Variants in FNDC3A observed in about 807,000 individuals in gnomAD.
FNDC3A encodes fibronectin type III domain containing 3A.
A neutral mutation model predicts 148.9 loss-of-function variants in FNDC3A; 32 were observed. The observed-to-expected ratio is 0.21, with a 90% CI of 0.16 to 0.29. The LOEUF (loss-of-function observed/expected upper bound fraction) is 0.29, where lower values mean the gene tolerates loss of function less well. Ranked by LOEUF, FNDC3A falls within the 10% of genes least tolerant of loss-of-function variation. FNDC3A has a pLI of 1.00. For synonymous variants in FNDC3A, 472 were observed against 473.6 expected, an observed-to-expected ratio of 1.00 and a Z score of 0.04; for missense variants, 1,191 against 1,452.8, an observed-to-expected ratio of 0.82 and a Z score of 2.93.
chr13:49,090,400 C>T (rs1015488048), intron 3 of FNDC3A, among the ~76,000 whole-genome samples: 1 of 152,092 alleles, frequency 6.6e-6, no homozygotes, highest in Non-Finnish European at 1.5e-5. Context: ...GGTGACAGAG[C>T]GAGACTCCGT....
At chr13:49,056,685 G>A (rs1366928051) in intron 2 of FNDC3A, among the ~76,000 whole-genome samples, 1 of 152,054 alleles carries the variant, frequency 6.6e-6, no homozygotes, top group Non-Finnish European at 1.5e-5. Flanking sequence ...GATTCAATAT[G>A]CTGTTTAACT....
intron 8 of FNDC3A, among the ~76,000 whole-genome samples, chr13:49,164,269 G>A (rs894738686): frequency 8.5e-5 from 13 of 152,150 alleles, no homozygotes; most frequent in African/African-American, 2.4e-4. Context: ...TCTGATAAGA[G>A]TTCTCTTACA....
At chr13:49,181,209 A>T (rs1019224194) in intron 14 of FNDC3A, among the ~76,000 whole-genome samples, 1 of 152,272 alleles carries the variant, frequency 6.6e-6, no homozygotes, top group African/African-American at 2.4e-5. Flanking sequence ...ATTCTCCCAG[A>T]TAATGAGGTT....
chr13:49,097,079 G>A (rs2181539), intron 3 of FNDC3A, among the ~76,000 whole-genome samples: 100,350 of 151,724 alleles, frequency 0.66, 33,347 homozygotes, highest in Admixed American at 0.69. Flanking sequence ...TGCAAGTACC[G>A]TTATATGCCA....
chr13:48,982,020 G>A (rs1011680765), intron 1 of FNDC3A, among the ~76,000 whole-genome samples: 2 of 152,130 alleles, frequency 1.3e-5, no homozygotes, highest in Admixed American at 1.3e-4. Flanking sequence ...TACTTCTCTA[G>A]GGGTTCTAAA....
chr13:49,002,080 C>T (rs781119390), intron 1 of FNDC3A, among the ~76,000 whole-genome samples: 17 of 152,234 alleles, frequency 1.1e-4, no homozygotes, highest in Admixed American at 4.6e-4. Context: ...TTTCTCAGAC[C>T]GGCTGACACT....
At chr13:49,192,199 C>T (rs1401710055) in intron 19 of FNDC3A, among the ~76,000 whole-genome samples, 1 of 152,148 alleles carries the variant, frequency 6.6e-6, no homozygotes, top group Non-Finnish European at 1.5e-5. Flanking sequence ...ACTGACAGTT[C>T]TCTCCTACCC....
At chr13:49,206,338 C>CTTAAT (rs67821342) in intron 25 of FNDC3A, among the ~76,000 whole-genome samples, 1 of 17,066 alleles carries the variant, frequency 5.9e-5, no homozygotes, top group Admixed American at 6.5e-4. Context: ...TATATAGCTT[C>CTTAAT]TTATTTATGC....
At position 49,093,267 on chromosome 13, in the gene FNDC3A, T is replaced by TTAC. The variant is rs769506208; in HGVS notation, c.175+17905_175+17907dup. On this transcript the variant is annotated intron_variant, in intron 3 of 25. Coordinates refer to ENST00000492622, the MANE Select transcript of FNDC3A (RefSeq NM_001079673.2). Reference sequence around the variant, plus strand: ...ATACAGAAATTCAGTAAATGTTTATTTACTTATTTTAGGCATATAACAATA... The same window carrying TTAC: ...ATACAGAAATTCAGTAAATGTTTATTTACTACTTATTTTAGGCATATAACAATA... Among the ~76,000 whole-genome samples the TTAC allele has an allele frequency of 7.2e-4, 109 of 152,330 alleles. 1 individual carries two copies. The highest frequency in any genetic ancestry group is 2.1e-3 in the East Asian group (11 of 5,186).
intron 3 of FNDC3A, among the ~76,000 whole-genome samples, chr13:49,077,099 A>G (rs538489977): frequency 1.1e-4 from 17 of 152,250 alleles, no homozygotes; most frequent in African/African-American, 4.1e-4. Flanking sequence ...GCAGCATAAC[A>G]AGACCCTGTC....
chr13:49,152,615 C>A (rs531943138), intron 8 of FNDC3A, among the ~76,000 whole-genome samples: 1 of 152,136 alleles, frequency 6.6e-6, no homozygotes, highest in East Asian at 1.9e-4. Flanking sequence ...CACCCACTAA[C>A]CACTAACTCG....
chr13:49,103,973 C>T (rs923238260), intron 3 of FNDC3A, among the ~76,000 whole-genome samples: 1 of 151,522 alleles, frequency 6.6e-6, no homozygotes, highest in African/African-American at 2.4e-5. Context: ...GGGAAGTGGA[C>T]CAAGAGCAAA....
intron 22 of FNDC3A, 22 bp downstream of exon 22, chr13:49,198,287 G>T: frequency 6.2e-7 from 1 of 1,610,786 alleles, no homozygotes; most frequent in South Asian, 1.1e-5. Context: ...AAATTATGTT[G>T]ATTTTTGCCT....
At chr13:49,198,677 A>G in intron 23 of FNDC3A, 103 bp downstream of exon 23, 3 of 905,738 alleles carry the variant, frequency 3.3e-6, no homozygotes, top group Non-Finnish European at 5.2e-6. Context: ...GACACCTGTA[A>G]TCTCAGCACT....
chr13:48,993,441 C>T (rs185449921), intron 1 of FNDC3A, among the ~76,000 whole-genome samples: 4 of 152,020 alleles, frequency 2.6e-5, no homozygotes. Flanking sequence ...GATCTTAGAG[C>T]AACAATAGGA....
chr13:49,045,493 G>T, intron 2 of FNDC3A: 3 of 220,740 alleles, frequency 1.4e-5, no homozygotes, highest in Non-Finnish European at 1.9e-5. Context: ...CTGTAGTTTT[G>T]GTGAAGATAT....
At chr13:49,173,109 C>T (rs1884847822) in intron 11 of FNDC3A, among the ~76,000 whole-genome samples, 1 of 146,678 alleles carries the variant, frequency 6.8e-6, no homozygotes, top group Admixed American at 6.7e-5. Context: ...CCGCATGTGG[C>T]CCTTGGGCCG....
intron 2 of FNDC3A, among the ~76,000 whole-genome samples, chr13:49,021,855 C>T (rs992510177): frequency 6.6e-6 from 1 of 152,082 alleles, no homozygotes; most frequent in Non-Finnish European, 1.5e-5. Context: ...GGCCAGTTCT[C>T]TATGTAATAC....
At chr13:48,988,916 A>C (rs1273583295) in intron 1 of FNDC3A, among the ~76,000 whole-genome samples, 2 of 152,136 alleles carry the variant, frequency 1.3e-5, no homozygotes, top group Non-Finnish European at 2.9e-5. Flanking sequence ...TGAAAACCTT[A>C]AGTGTTCAGC....
Sources: gnomAD v4.1 joint callset for allele counts (sites outside exome capture counted in the v4.1 genomes callset) on GRCh38, gnomAD v4.1.1 for gene constraint, MANE v1.5 for transcripts, NCBI Gene and HGNC (gene_info 2026-07-23, HGNC 2026-07-21) for gene names.